Variants in MAML2 observed in about 807,000 individuals in gnomAD.
MAML2 encodes mastermind-like protein 2.
MAML2 carries 22 observed loss-of-function variants against 96.1 expected under a neutral mutation model. That is an observed-to-expected ratio of 0.23 (90% confidence interval 0.16 to 0.33). The LOEUF is 0.33. Ranked by LOEUF, MAML2 falls within the 10% of genes least tolerant of loss-of-function variation. MAML2 has a pLI of 1.00. For missense variants in MAML2, 1,367 were observed against 1,392.4 expected, an observed-to-expected ratio of 0.98 and a Z score of 0.29; for synonymous variants, 561 against 521.3, an observed-to-expected ratio of 1.08 and a Z score of -1.04.
intron 2 of MAML2, among the ~76,000 whole-genome samples, chr11:96,027,720 ATTTTATTTTATTG>A (rs1415570076): frequency 6.6e-6 from 1 of 151,892 alleles, no homozygotes; most frequent in Non-Finnish European, 1.5e-5. Flanking sequence ...TTTTCAGGTT[ATTTTATTTTATTG>A]TTTTATTTTA....
chr11:96,322,555 A>G lies in MAML2; in HGVS notation c.513+18828T>C, dbSNP rs542639275. Among the ~76,000 whole-genome samples the G allele has an allele frequency of 2.9e-3, 436 of 151,908 alleles. 4 individuals carry two copies. Among genetic ancestry groups the G allele is most frequent in the African/African-American group, 0.01 (421 of 41,522 alleles). On this transcript the variant is annotated intron_variant, in intron 1 of 4. Transcript: ENST00000524717. ...AAAATACAAAATATTAGCCGGGCGTAGTGGCGGGCGCCTGTATTCCCAGCT... is the reference window on the plus strand; with the variant it reads ...AAAATACAAAATATTAGCCGGGCGTGGTGGCGGGCGCCTGTATTCCCAGCT...
chr11:96,195,866 T>C (rs1018249833), intron 1 of MAML2, among the ~76,000 whole-genome samples: 1 of 152,220 alleles, frequency 6.6e-6, no homozygotes, highest in Admixed American at 6.5e-5. Flanking sequence ...TTTTTTCCTC[T>C]CGTGCTGATT....
In MAML2 at chr11:96,311,964, G is replaced by C. The variant is rs1863547755; in HGVS notation, c.513+29419C>G. ...AGCTAGAATGAGCAAACACCGGCCA[G>C]GCTTGGTGGCTCACACCTGTAATCC... On this transcript the variant is annotated intron_variant, in intron 1 of 4. Coordinates refer to ENST00000524717, the MANE Select transcript of MAML2 (RefSeq NM_032427.4). 3.9e-5 allele frequency among the ~76,000 whole-genome samples: 6 copies of C among 152,178 alleles called. No individual in the cohort carries two copies. In the South Asian group the frequency reaches 1.2e-3, roughly 32 times the overall value.
intron 2 of MAML2, among the ~76,000 whole-genome samples, chr11:96,008,996 G>A (rs1324250726): frequency 1.3e-5 from 2 of 152,134 alleles, no homozygotes; most frequent in African/African-American, 4.8e-5. Context: ...CTTTTTTCAA[G>A]GTATTGGGTA....
chr11:96,199,192 G>C (rs954902584), intron 1 of MAML2, among the ~76,000 whole-genome samples: 1 of 76,536 alleles, frequency 1.3e-5, no homozygotes, highest in Non-Finnish European at 2.2e-5. Flanking sequence ...GCAAGCCTCC[G>C]TCTCAAAAAA....
chr11:96,275,434 C>A (rs1413532719), intron 1 of MAML2, among the ~76,000 whole-genome samples: 1 of 151,938 alleles, frequency 6.6e-6, no homozygotes, highest in Non-Finnish European at 1.5e-5. Flanking sequence ...CCCGCCACTA[C>A]GCCTAGCTAA....
rs67940033 is a variant in MAML2, at chr11:96,122,497, GGTGTGTGT to G, written c.514-28988_514-28981del. 2.9e-3 allele frequency among the ~76,000 whole-genome samples: 398 copies of G among 135,772 alleles called. 2 individuals carry two copies. Among genetic ancestry groups the G allele is most frequent in the Admixed American group, 4.4e-3 (58 of 13,246 alleles). 89.1% of individuals were successfully genotyped at this position (135,772 alleles called of 152,430 possible). On this transcript the variant is annotated intron_variant, in intron 1 of 4. Coordinates refer to ENST00000524717, the MANE Select transcript of MAML2 (RefSeq NM_032427.4). Reference sequence around the variant, plus strand: ...GGACAAATACAAATCTTTTAGGCTGGGTGTGTGTGTGTGTGTGTGTGTGTGTGTGTGTG... The same window carrying G: ...GGACAAATACAAATCTTTTAGGCTGGGTGTGTGTGTGTGTGTGTGTGTGTG...
intron 1 of MAML2, among the ~76,000 whole-genome samples, chr11:96,135,483 G>T (rs1461319362): frequency 6.7e-6 from 1 of 148,756 alleles, no homozygotes. Flanking sequence ...GATACTTAGA[G>T]ATGTTAAGTT....
rs551206354 is a variant in MAML2, at chr11:96,095,491, T to C, written c.514-1974A>G. On this transcript the variant is annotated intron_variant, in intron 1 of 4. Transcript: ENST00000524717. ...AAGACAGGGCAATTACTCCCTTCCA[T>C]GGGAATTTTGGATTTGGAGAAAGTG... 1.4e-4 allele frequency among the ~76,000 whole-genome samples: 22 copies of C among 152,258 alleles called. No homozygotes were observed. In the South Asian group the frequency reaches 3.7e-3, roughly 26 times the overall value.
At chr11:96,010,723 T>C (rs1183082013) in intron 2 of MAML2, among the ~76,000 whole-genome samples, 1 of 152,160 alleles carries the variant, frequency 6.6e-6, no homozygotes, top group Non-Finnish European at 1.5e-5. Context: ...TATAGCAGAT[T>C]GCATTTGTTA....
intron 1 of MAML2, among the ~76,000 whole-genome samples, chr11:96,181,081 G>A (rs1446228836): frequency 6.6e-6 from 1 of 152,144 alleles, no homozygotes; most frequent in Non-Finnish European, 1.5e-5. Context: ...CACTTCTTTT[G>A]TGGTGTAATA....
intron 2 of MAML2, among the ~76,000 whole-genome samples, chr11:96,016,656 A>G (rs1406315096): frequency 6.6e-6 from 1 of 152,144 alleles, no homozygotes; most frequent in African/African-American, 2.4e-5. Context: ...GAAGAAGAAG[A>G]AGGGCTCCTA....
At chr11:96,195,794 G>C (rs515030) in intron 1 of MAML2, among the ~76,000 whole-genome samples, 118,251 of 152,162 alleles carry the variant, frequency 0.78, 46,151 homozygotes, top group Middle Eastern at 0.89. Flanking sequence ...AGCAGTTTAT[G>C]AGAAAATTAT....
intron 2 of MAML2, among the ~76,000 whole-genome samples, chr11:96,089,727 G>C (rs929196687): frequency 6.6e-6 from 1 of 151,942 alleles, no homozygotes; most frequent in Non-Finnish European, 1.5e-5. Flanking sequence ...TAGAATTATT[G>C]ATCTGGAAGG....
chr11:96,083,865 G>C (rs1305819443), intron 2 of MAML2, among the ~76,000 whole-genome samples: 1 of 152,168 alleles, frequency 6.6e-6, no homozygotes. Flanking sequence ...GGTAATCCAT[G>C]CTCAAAGAGA....
At chr11:96,078,850 G>C (rs1843868302) in intron 2 of MAML2, among the ~76,000 whole-genome samples, 1 of 152,162 alleles carries the variant, frequency 6.6e-6, no homozygotes, top group Non-Finnish European at 1.5e-5. Context: ...CCTATCCTAT[G>C]TCTCTACTCT....
intron 1 of MAML2, among the ~76,000 whole-genome samples, chr11:96,238,999 C>G (rs1862398725): frequency 6.6e-6 from 1 of 152,186 alleles, no homozygotes; most frequent in African/African-American, 2.4e-5. Flanking sequence ...CAGGATTGAA[C>G]CTAAGATTAG....
rs1328175360 is a variant in MAML2, at chr11:96,279,497, T to C, written c.513+61886A>G. Among the ~76,000 whole-genome samples the C allele has an allele frequency of 3.3e-5, 5 of 152,146 alleles. No individual in the cohort carries two copies. In the East Asian group the frequency reaches 9.6e-4, roughly 29 times the overall value. On this transcript the variant is annotated intron_variant, in intron 1 of 4. Transcript: ENST00000524717. ...ATGTCTTGTAAATTACAAGGGACTA[T>C]GCAGTATGTAAGGGAAGATACAGGA...
chr11:96,075,074 G>A (rs750595437), intron 2 of MAML2, among the ~76,000 whole-genome samples: 3 of 152,160 alleles, frequency 2.0e-5, no homozygotes, highest in South Asian at 2.1e-4. Flanking sequence ...ATCCAATTAT[G>A]TATTTGCTTT....
Sources: gnomAD v4.1 joint callset for allele counts (sites outside exome capture counted in the v4.1 genomes callset) on GRCh38, gnomAD v4.1.1 for gene constraint, MANE v1.5 for transcripts, NCBI Gene and HGNC (gene_info 2026-07-23, HGNC 2026-07-21) for gene names.